Variants in MAPK10 observed in about 807,000 individuals in gnomAD.
The protein encoded by MAPK10 is JNK3 alpha protein kinase.
In MAPK10, 25 loss-of-function variants were observed where a neutral mutation model predicts 59.3. The ratio of observed to expected loss-of-function variants is 0.42; its 90% CI spans 0.31 to 0.59. The LOEUF (loss-of-function observed/expected upper bound fraction) is 0.59, where lower values mean the gene tolerates loss of function less well. MAPK10 is among the 20% of genes least tolerant of loss of function. The pLI is 0.15. For missense variants in MAPK10, 351 were observed against 568.9 expected, an observed-to-expected ratio of 0.62 and a Z score of 3.90; for synonymous variants, 190 against 200.5, an observed-to-expected ratio of 0.95 and a Z score of 0.44.
intron 1 of MAPK10, among the ~76,000 whole-genome samples, chr4:86,592,448 G>T (rs544356141): frequency 6.6e-6 from 1 of 152,114 alleles, no homozygotes; most frequent in South Asian, 2.1e-4. Flanking sequence ...CACTATACTT[G>T]CTATACCTTC....
intron 4 of MAPK10, among the ~76,000 whole-genome samples, chr4:86,115,844 A>G (rs182586105): frequency 1.3e-5 from 2 of 152,332 alleles, no homozygotes; most frequent in Admixed American, 1.3e-4. Flanking sequence ...TTAATTTAAA[A>G]TACTGTCTCT....
intron 1 of MAPK10, among the ~76,000 whole-genome samples, chr4:86,554,058 G>A (rs1760067485): frequency 6.6e-6 from 1 of 151,976 alleles, no homozygotes; most frequent in African/African-American, 2.4e-5. Flanking sequence ...ATTCTTAAAA[G>A]ACAGAAAGGG....
At chr4:86,287,387 T>C (rs1056153363) in intron 2 of MAPK10, among the ~76,000 whole-genome samples, 1 of 152,202 alleles carries the variant, frequency 6.6e-6, no homozygotes, top group African/African-American at 2.4e-5. Context: ...GTTTTACTTT[T>C]GCCAAAACTG....
rs757998935 is a variant in MAPK10, at chr4:86,010,433, G to A, written c.*6795C>T. Reference sequence around the variant, plus strand: ...TTTTAAACAAAGATTTATTAACTCTGAATTTTTTAGGTTAAGGACCATGCA... The same window carrying A: ...TTTTAAACAAAGATTTATTAACTCTAAATTTTTTAGGTTAAGGACCATGCA... On this transcript the variant is annotated 3_prime_UTR_variant, in exon 14 of 14. Coordinates refer to ENST00000641462, the MANE Select transcript of MAPK10 (RefSeq NM_138982.4). The A allele has an allele frequency of 3.1e-4, 47 of 152,124 alleles. No homozygotes were observed. Among genetic ancestry groups the A allele is most frequent in the Admixed American group, 1.6e-3 (25 of 15,268 alleles). The allele number at this position is 152,124 out of a possible 1,614,324, so 9.4% of individuals were successfully genotyped here.
chr4:86,388,211 T>A (rs1283867314), intron 1 of MAPK10, among the ~76,000 whole-genome samples: 6 of 150,956 alleles, frequency 4.0e-5, no homozygotes, highest in South Asian at 2.1e-4. Flanking sequence ...TGTGTCTGTG[T>A]GAGAGAGAGA....
chr4:86,026,704 A>G (rs980107016), intron 13 of MAPK10: 1 of 152,224 alleles, frequency 6.6e-6, no homozygotes, highest in Admixed American at 6.5e-5. Flanking sequence ...TAAAAATACC[A>G]CAGCTATTTT....
chr4:86,412,089 G>A (rs1579116341), intron 1 of MAPK10, among the ~76,000 whole-genome samples: 1 of 152,140 alleles, frequency 6.6e-6, no homozygotes, highest in African/African-American at 2.4e-5. Flanking sequence ...TTGTAAGGCA[G>A]GCCTGGTGGT....
chr4:86,248,221 C>CTAA (rs2093218199), intron 2 of MAPK10, among the ~76,000 whole-genome samples: 1 of 152,064 alleles, frequency 6.6e-6, no homozygotes, highest in African/African-American at 2.4e-5. Flanking sequence ...TGGTTTTTTT[C>CTAA]TAATTTTTAA....
At chr4:86,459,958 T>TA (rs919903346) in intron 1 of MAPK10, among the ~76,000 whole-genome samples, 7 of 150,730 alleles carry the variant, frequency 4.6e-5, no homozygotes, top group South Asian at 2.1e-4. Context: ...GAAAAAAATC[T>TA]AAAAAAAAAG....
intron 1 of MAPK10, among the ~76,000 whole-genome samples, chr4:86,526,608 T>C (rs991847206): frequency 6.6e-6 from 1 of 152,192 alleles, no homozygotes; most frequent in Non-Finnish European, 1.5e-5. Context: ...ATTTCCTTTC[T>C]TCTGCTAGCT....
chr4:86,048,830 C>T (rs760281624), intron 11 of MAPK10, among the ~76,000 whole-genome samples: 1 of 151,786 alleles, frequency 6.6e-6, no homozygotes, highest in Non-Finnish European at 1.5e-5. Context: ...TTTTTAATTC[C>T]AAAGTGTCTA....
At chr4:86,339,956 A>T (rs984676491) in intron 2 of MAPK10, among the ~76,000 whole-genome samples, 1 of 152,260 alleles carries the variant, frequency 6.6e-6, no homozygotes, top group African/African-American at 2.4e-5. Flanking sequence ...TACATGAAAC[A>T]GAGGCTCAGA....
intron 1 of MAPK10, among the ~76,000 whole-genome samples, chr4:86,447,655 CT>C (rs201017201): frequency 2.0e-5 from 3 of 151,368 alleles, no homozygotes; most frequent in East Asian, 3.9e-4. Context: ...AACACTGGTG[CT>C]TTTTTTTTCT....
In MAPK10 at chr4:86,017,742, G is replaced by C. The variant is rs890966774; in HGVS notation, c.1253-372C>G. Among the ~76,000 whole-genome samples the C allele has an allele frequency of 6.6e-6, 1 of 151,788 alleles. No homozygotes were observed. Among genetic ancestry groups the C allele is most frequent in the Non-Finnish European group, 1.5e-5 (1 of 67,974 alleles). On this transcript the variant is annotated intron_variant, in intron 13 of 13. Transcript: ENST00000641462. This position sits in a 1 kb window ranked among gnomAD's most constrained non-coding sequence, Gnocchi z 4.4. ...GCATTTTTATTTATTTATTTTTTTT[G>C]AGATGGAGTCTCGCTCTGTCGCCAG... is the stretch of plus-strand genomic sequence containing the variant.
chr4:86,197,308 T>C (rs946494346), intron 2 of MAPK10, among the ~76,000 whole-genome samples: 1 of 152,154 alleles, frequency 6.6e-6, no homozygotes, highest in Admixed American at 6.6e-5. Flanking sequence ...CCTAGGTATT[T>C]TGTTCTCTTT....
intron 2 of MAPK10, among the ~76,000 whole-genome samples, chr4:86,209,731 C>T (rs1380186350): frequency 1.3e-5 from 2 of 151,906 alleles, no homozygotes; most frequent in Non-Finnish European, 2.9e-5. Context: ...GATTCATTTC[C>T]TATCAAAGTA....
At chr4:86,339,317 C>T (rs1428534042) in intron 2 of MAPK10, among the ~76,000 whole-genome samples, 1 of 152,148 alleles carries the variant, frequency 6.6e-6, no homozygotes, top group Non-Finnish European at 1.5e-5. Flanking sequence ...CCCACCTCAT[C>T]CTCAAGATAA....
chr4:86,246,644 T>C (rs994946352), intron 2 of MAPK10, among the ~76,000 whole-genome samples: 1 of 152,170 alleles, frequency 6.6e-6, no homozygotes, highest in African/African-American at 2.4e-5. Flanking sequence ...AATAACTCAC[T>C]TAAACCTCAG....
rs541939398 is a variant in MAPK10 at position 86,475,057 on chromosome 4, C to T, written c.-263+118853G>A. 1.2e-4 allele frequency among the ~76,000 whole-genome samples: 18 copies of T among 152,282 alleles called. No individual in the cohort carries two copies. In the South Asian group the frequency reaches 3.7e-3, roughly 32 times the overall value. On this transcript the variant is annotated intron_variant, in intron 1 of 4. Transcript: ENST00000502302. ...CTCCTGCCTGCCAGAGAACAACCCCCTTTGACTGTAATTTTCCTTTAGCTA... is the reference window on the plus strand; with the variant it reads ...CTCCTGCCTGCCAGAGAACAACCCCTTTTGACTGTAATTTTCCTTTAGCTA...
Sources: gnomAD v4.1 joint callset for allele counts (sites outside exome capture counted in the v4.1 genomes callset) on GRCh38, gnomAD v4.1.1 for gene constraint, Gnocchi (gnomAD v3.1) non-coding constraint, MANE v1.5 for transcripts, NCBI Gene and HGNC (gene_info 2026-07-23, HGNC 2026-07-21) for gene names.